Variants in PRKD1 observed in about 807,000 individuals in gnomAD.
PRKD1 encodes the protein protein kinase D1.
PRKD1 carries 63 observed loss-of-function variants against 95.9 expected under a neutral mutation model. The observed-to-expected ratio is 0.66, with a 90% CI of 0.54 to 0.81. The LOEUF is 0.81. PRKD1 is among the 30% of genes least tolerant of loss of function. PRKD1 has a pLI of 0.00. For missense variants in PRKD1, 1,048 were observed against 1,165.3 expected (o/e 0.90, Z 1.47); for synonymous variants, 425 against 423.1 (o/e 1.00, Z -0.05).
chr14:29,812,771 G>T (rs1890544188), intron 1 of PRKD1, among the ~76,000 whole-genome samples: 1 of 152,192 alleles, frequency 6.6e-6, no homozygotes, highest in African/African-American at 2.4e-5. Context: ...AGATTTGGGT[G>T]GGGACACAGA....
chr14:29,914,882 G>A (rs1894840582), intron 1 of PRKD1, among the ~76,000 whole-genome samples: 1 of 151,806 alleles, frequency 6.6e-6, no homozygotes, highest in South Asian at 2.1e-4. Context: ...ACGCCATCCA[G>A]GCCTGGCTAA....
At chr14:29,826,688 CACATATATATACATATATACACAT>C (rs1566622330) in intron 1 of PRKD1, among the ~76,000 whole-genome samples, 18 of 41,268 alleles carry the variant, frequency 4.4e-4, no homozygotes, top group East Asian at 5.9e-4. Context: ...TATATATACA[CACATATATATACATATATACACAT>C]ATATATATAC....
intron 13 of PRKD1, among the ~76,000 whole-genome samples, chr14:29,612,358 A>C (rs938870188): frequency 2.0e-5 from 3 of 152,214 alleles, no homozygotes; most frequent in African/African-American, 7.2e-5. Flanking sequence ...TTTCTTGATG[A>C]AAAAATGTGT....
chr14:29,785,768 C>T (rs1005189999), intron 1 of PRKD1, among the ~76,000 whole-genome samples: 6 of 151,214 alleles, frequency 4.0e-5, no homozygotes, highest in Admixed American at 6.6e-5. Flanking sequence ...CACATGTATA[C>T]GTATGTAACT....
intron 13 of PRKD1, among the ~76,000 whole-genome samples, chr14:29,610,643 T>C (rs567044678): frequency 8.5e-5 from 13 of 152,354 alleles, no homozygotes; most frequent in African/African-American, 2.9e-4. Flanking sequence ...ATACTTAATA[T>C]ACTATCATAC....
At chr14:29,909,365 C>A (rs563221977) in intron 1 of PRKD1, among the ~76,000 whole-genome samples, 28 of 151,352 alleles carry the variant, frequency 1.8e-4, no homozygotes, top group African/African-American at 6.5e-4. Context: ...GGCGCCCAGT[C>A]CCATCAACTG....
chr14:29,593,674 C>T (rs888996175), intron 16 of PRKD1, among the ~76,000 whole-genome samples: 2 of 152,192 alleles, frequency 1.3e-5, no homozygotes, highest in East Asian at 1.9e-4. Flanking sequence ...TGAGAGATGG[C>T]GAAACAATAA....
intron 13 of PRKD1, among the ~76,000 whole-genome samples, chr14:29,610,170 A>C (rs2139045780): frequency 6.6e-6 from 1 of 152,314 alleles, no homozygotes; most frequent in African/African-American, 2.4e-5. Flanking sequence ...CATCCTTCAG[A>C]AAAGATGAAT....
At chr14:29,602,653 T>C (rs1893564675) in intron 13 of PRKD1, among the ~76,000 whole-genome samples, 1 of 152,060 alleles carries the variant, frequency 6.6e-6, no homozygotes, top group Non-Finnish European at 1.5e-5. Flanking sequence ...GGTGTCTAAC[T>C]CCTGACTTGA....
chr14:29,752,656 T>C (rs1887531649), intron 1 of PRKD1, among the ~76,000 whole-genome samples: 1 of 151,926 alleles, frequency 6.6e-6, no homozygotes, highest in Admixed American at 6.6e-5. Flanking sequence ...GCAAAATTCA[T>C]TTTTAAGAAC....
At chr14:29,701,413 G>A (rs1034036222) in intron 2 of PRKD1, among the ~76,000 whole-genome samples, 3 of 152,140 alleles carry the variant, frequency 2.0e-5, no homozygotes, top group Non-Finnish European at 2.9e-5. Context: ...CTAGATCAAT[G>A]ATTTTATTAA....
chr14:29,704,156 A>G (rs553105807), intron 2 of PRKD1, among the ~76,000 whole-genome samples: 20 of 152,296 alleles, frequency 1.3e-4, no homozygotes, highest in African/African-American at 4.8e-4. Flanking sequence ...GTGAAGAGAC[A>G]GTCATGCTCC....
chr14:29,761,748 A>AGAAGTGG (rs1887996222), intron 1 of PRKD1, among the ~76,000 whole-genome samples: 1 of 151,512 alleles, frequency 6.6e-6, no homozygotes, highest in African/African-American at 2.4e-5. Context: ...CTTTAATAGG[A>AGAAGTGG]GAAGTGGGTT....
At chr14:29,709,532 T>C (rs368457982) in intron 2 of PRKD1, among the ~76,000 whole-genome samples, 6 of 152,212 alleles carry the variant, frequency 3.9e-5, no homozygotes, top group East Asian at 1.9e-4. Flanking sequence ...GAGAAATAGA[T>C]AGATACAGAT....
chr14:29,677,081 A>C (rs1027877872), intron 2 of PRKD1, among the ~76,000 whole-genome samples: 10 of 152,224 alleles, frequency 6.6e-5, no homozygotes, highest in Non-Finnish European at 1.5e-4. Context: ...AGAGAATTTA[A>C]CAACAACAAA....
At chr14:29,805,919 A>G (rs907427648) in intron 1 of PRKD1, among the ~76,000 whole-genome samples, 2 of 152,238 alleles carry the variant, frequency 1.3e-5, no homozygotes, top group African/African-American at 4.8e-5. Context: ...TTATGGCAAG[A>G]TAAGAGCATG....
intron 1 of PRKD1, among the ~76,000 whole-genome samples, chr14:29,828,633 C>A (rs1419876515): frequency 2.0e-5 from 3 of 152,086 alleles, no homozygotes; most frequent in Non-Finnish European, 4.4e-5. Flanking sequence ...AGAAATTCAA[C>A]AGATAAAAGA....
chr14:29,694,776 G>T (rs1884421271), intron 2 of PRKD1, among the ~76,000 whole-genome samples: 1 of 152,142 alleles, frequency 6.6e-6, no homozygotes, highest in Non-Finnish European at 1.5e-5. Context: ...TTCAGTAAGA[G>T]TGAGAAAATG....
chr14:29,676,012 G>A (rs891815530), intron 2 of PRKD1, among the ~76,000 whole-genome samples: 63 of 150,630 alleles, frequency 4.2e-4, no homozygotes, highest in Non-Finnish European at 7.1e-4. Context: ...ATAACATTAG[G>A]AGATATACCT....
Sources: allele counts gnomAD v4.1 joint callset (sites outside exome capture counted in the v4.1 genomes callset), GRCh38; gene constraint gnomAD v4.1.1; transcripts MANE v1.5; gene names NCBI Gene and HGNC (gene_info 2026-07-23, HGNC 2026-07-21).